The following ADGRL3 variants were observed in gnomAD, a reference collection of about 807,000 sequenced individuals.
ADGRL3 encodes the protein adhesion G protein-coupled receptor L3.
In ADGRL3, 62 loss-of-function variants were observed where a neutral mutation model predicts 153.5. That is an observed-to-expected ratio of 0.40 (90% CI 0.33 to 0.50). The LOEUF is 0.50. Among genes scored for constraint, ADGRL3 ranks in the 20% least tolerant of loss-of-function variants. ADGRL3 has a pLI of 0.47. For missense variants in ADGRL3, 1,641 were observed against 1,859.4 expected (o/e 0.88, Z 2.16); for synonymous variants, 710 against 672.5 (o/e 1.06, Z -0.86).
At chr4:61,520,654 G>GTGTGTGTGTGTGTGTGTGTGTGTA (rs2098524624) in intron 4 of ADGRL3, among the ~76,000 whole-genome samples, 1 of 127,304 alleles carries the variant, frequency 7.9e-6, no homozygotes, top group Non-Finnish European at 1.7e-5. Context: ...ATAAACCTCT[G>GTGTGTGTGTGTGTGTGTGTGTGTA]TGTGTGTGTG....
intron 3 of ADGRL3, among the ~76,000 whole-genome samples, chr4:61,505,109 C>T (rs1417229351): frequency 6.6e-6 from 1 of 152,010 alleles, no homozygotes; most frequent in Non-Finnish European, 1.5e-5. Context: ...TCCTCACTAG[C>T]ATTTGTTATT....
At chr4:61,302,454 T>C (rs1000664284) in intron 1 of ADGRL3, among the ~76,000 whole-genome samples, 1 of 152,142 alleles carries the variant, frequency 6.6e-6, no homozygotes, top group Non-Finnish European at 1.5e-5. Flanking sequence ...TTTTTTTTAA[T>C]TAAAAGTTGA....
At position 61,909,754 on chromosome 4, in the gene ADGRL3, C is replaced by A. The variant is rs2098713020; in HGVS notation, c.2073+9C>A. The A allele has an allele frequency of 1.4e-6, 2 of 1,398,660 alleles. No homozygotes were observed. The highest frequency in any genetic ancestry group is 1.9e-6 in the Non-Finnish European group (2 of 1,038,464). 86.6% of individuals were successfully genotyped at this position (1,398,660 alleles called of 1,614,324 possible). On this transcript the variant is annotated intron_variant, in intron 12 of 26. Transcript: ENST00000683033. Reference sequence around the variant, plus strand: ...CCCGGAGTTTGAACAAGGTAAGGACCCTAATTATGTGTGTGTGTGTGTGTG... The same window carrying A: ...CCCGGAGTTTGAACAAGGTAAGGACACTAATTATGTGTGTGTGTGTGTGTG...
chr4:61,388,918 AC>A (rs2096771847), intron 2 of ADGRL3, among the ~76,000 whole-genome samples: 1 of 152,096 alleles, frequency 6.6e-6, no homozygotes, highest in Middle Eastern at 3.4e-3. Flanking sequence ...AGTAGCCTCT[AC>A]CCCCATCTCC....
At chr4:61,923,649 A>T (rs2098780815) in intron 13 of ADGRL3, among the ~76,000 whole-genome samples, 1 of 152,154 alleles carries the variant, frequency 6.6e-6, no homozygotes, top group Non-Finnish European at 1.5e-5. Context: ...TCTTCATTCC[A>T]GTAACTTTGA....
At chr4:61,517,140 C>G (rs534108034) in intron 3 of ADGRL3, among the ~76,000 whole-genome samples, 175 bp from the exon 4 acceptor site, 26 of 151,056 alleles carry the variant, frequency 1.7e-4, no homozygotes, top group Non-Finnish European at 2.9e-4. Flanking sequence ...TACTAGGGGC[C>G]AGGAGATGTA....
chr4:61,946,458 T>A (rs2098924874), intron 15 of ADGRL3, among the ~76,000 whole-genome samples: 1 of 152,184 alleles, frequency 6.6e-6, no homozygotes, highest in Non-Finnish European at 1.5e-5. Flanking sequence ...TGAATCTTAT[T>A]TTTAAATGTA....
Position 61,936,061 on chromosome 4 carries a change from T to C in ADGRL3, c.2419+16T>C. The C allele has an allele frequency of 6.2e-7, 1 of 1,608,368 alleles. No individual in the cohort carries two copies. Among genetic ancestry groups the C allele is most frequent in the South Asian group, 1.1e-5 (1 of 89,786 alleles). ...GGCCGAAATGGTAGGTTAGAGTTTA[T>C]TTTTTAAGCTTGAGGGAATTGAACT... is the stretch of plus-strand genomic sequence containing the variant. On this transcript the variant is annotated intron_variant, in intron 15 of 26. Transcript: ENST00000683033.
chr4:61,704,585 G>A (rs7667611), intron 6 of ADGRL3, among the ~76,000 whole-genome samples: 67,197 of 151,852 alleles, frequency 0.44, 15,341 homozygotes, highest in East Asian at 0.56. Flanking sequence ...GAATGACTGT[G>A]GTAATTTCTT....
chr4:61,923,040 T>A (rs2150003946), intron 13 of ADGRL3, among the ~76,000 whole-genome samples: 1 of 152,224 alleles, frequency 6.6e-6, no homozygotes, highest in South Asian at 2.1e-4. Context: ...AGAAGAGCAT[T>A]CCAAGATCAA....
At chr4:61,351,682 C>A (rs970061927) in intron 1 of ADGRL3, among the ~76,000 whole-genome samples, 5 of 151,876 alleles carry the variant, frequency 3.3e-5, no homozygotes, top group Non-Finnish European at 7.4e-5. Flanking sequence ...AACAACAAAG[C>A]CTGGATGACA....
chr4:61,597,030 T>TG (rs1487414486), intron 5 of ADGRL3, among the ~76,000 whole-genome samples: 1 of 146,602 alleles, frequency 6.8e-6, no homozygotes, highest in African/African-American at 2.5e-5. Flanking sequence ...GTGAAGTGTG[T>TG]TTTTTTTTTT....
chr4:61,544,540 T>C (rs896019592), intron 4 of ADGRL3, among the ~76,000 whole-genome samples: 2 of 152,350 alleles, frequency 1.3e-5, no homozygotes, highest in East Asian at 1.9e-4. Flanking sequence ...AAATCTTTCA[T>C]TGAGACGTAA....
chr4:61,409,202 A>G (rs991116391), intron 2 of ADGRL3, among the ~76,000 whole-genome samples: 11 of 145,124 alleles, frequency 7.6e-5, no homozygotes, highest in Middle Eastern at 3.6e-3. Flanking sequence ...TATATATTAT[A>G]TATATTAGAC....
At chr4:61,276,290 C>A (rs2093454997) in intron 1 of ADGRL3, among the ~76,000 whole-genome samples, 1 of 152,102 alleles carries the variant, frequency 6.6e-6, no homozygotes, top group Non-Finnish European at 1.5e-5. Context: ...AGCCATAAGT[C>A]TAGATGCTTT....
chr4:62,009,870 C>T (rs2099175812), intron 21 of ADGRL3, among the ~76,000 whole-genome samples: 1 of 152,072 alleles, frequency 6.6e-6, no homozygotes, highest in African/African-American at 2.4e-5. Flanking sequence ...TCAGGAGTCC[C>T]CATGACCATC....
At chr4:61,666,336 A>T (rs1402009727) in intron 5 of ADGRL3, among the ~76,000 whole-genome samples, 2 of 151,938 alleles carry the variant, frequency 1.3e-5, no homozygotes, top group Admixed American at 6.6e-5. Flanking sequence ...TAAAGGTTTG[A>T]TTCTGTTTCT....
chr4:61,677,717 C>T (rs2095240765), intron 6 of ADGRL3, among the ~76,000 whole-genome samples: 1 of 151,854 alleles, frequency 6.6e-6, no homozygotes, highest in Admixed American at 6.6e-5. Context: ...TAGAAAACAC[C>T]TGGGATCATA....
chr4:61,620,617 T>C (rs1283293030), intron 5 of ADGRL3, among the ~76,000 whole-genome samples: 3 of 150,484 alleles, frequency 2.0e-5, no homozygotes, highest in African/African-American at 7.3e-5. Flanking sequence ...GTATGGTATA[T>C]ATAGTGTAAA....
Sources: gnomAD v4.1 joint callset for allele counts (sites outside exome capture counted in the v4.1 genomes callset) on GRCh38, gnomAD v4.1.1 for gene constraint, MANE v1.5 for transcripts, NCBI Gene and HGNC (gene_info 2026-07-23, HGNC 2026-07-21) for gene names.